ABLIM2: variants seen among roughly 807,000 people sequenced by gnomAD.
ABLIM2 encodes actin-binding LIM protein 2.
A neutral mutation model predicts 97.7 loss-of-function variants in ABLIM2; 53 were observed. That is an observed-to-expected ratio of 0.54 (90% CI 0.44 to 0.68). The LOEUF is 0.68. Ranked by LOEUF, ABLIM2 falls within the 30% of genes least tolerant of loss-of-function variation. The probability of loss-of-function intolerance (pLI) is 0.00; values close to 1 mark genes in which losing one functional copy is unlikely to be tolerated. For missense variants in ABLIM2, 835 were observed against 867.2 expected (o/e 0.96, Z 0.47); for synonymous variants, 361 against 345.8 (o/e 1.04, Z -0.49).
At chr4:8,024,220 C>G (rs914820386) in intron 12 of ABLIM2, among the ~76,000 whole-genome samples, 1 of 152,162 alleles carries the variant, frequency 6.6e-6, no homozygotes, top group Non-Finnish European at 1.5e-5. Flanking sequence ...TGGAGGCTGC[C>G]TGGCCAGAGG....
chr4:8,111,552 C>T (rs1568195), intron 1 of ABLIM2, among the ~76,000 whole-genome samples: 7 of 152,132 alleles, frequency 4.6e-5, no homozygotes, highest in East Asian at 3.8e-4. Flanking sequence ...ATAGGGAAGA[C>T]GGGATGGGAG....
At chr4:7,985,288 G>A (rs374035328) in intron 17 of ABLIM2, among the ~76,000 whole-genome samples, 2 of 152,290 alleles carry the variant, frequency 1.3e-5, no homozygotes, top group East Asian at 3.9e-4. Context: ...TAGGCACAGC[G>A]CTCTGCGGTT....
At position 7,996,441 on chromosome 4, in the gene ABLIM2, A is replaced by G. The variant is rs1056469691; in HGVS notation, c.1619-3514T>C. Among the ~76,000 whole-genome samples, 25 of 152,084 alleles carry G rather than the reference A, an allele frequency of 1.6e-4. No individual in the cohort carries two copies. Among genetic ancestry groups the G allele is most frequent in the African/African-American group, 5.3e-4 (22 of 41,416 alleles). ...CTGCCGCCGACCGGTCTCAACTTTT[A>G]ACCACTTCACATGCAGGTGGAAACC... On this transcript the variant is annotated intron_variant, in intron 16 of 20. Coordinates refer to ENST00000447017, the MANE Select transcript of ABLIM2 (RefSeq NM_001130083.2). The surrounding 1 kb of genome is among the most constrained non-coding windows in gnomAD (Gnocchi z 4.5).
rs919959013 is a variant in ABLIM2 at position 8,150,917 on chromosome 4, C to T, written c.10+7763G>A. On this transcript the variant is annotated intron_variant, in intron 1 of 20. Transcript: ENST00000447017. This position sits in a 1 kb window ranked among gnomAD's most constrained non-coding sequence, Gnocchi z 6.3. The stretch of plus-strand genomic sequence containing the variant: ...CCAAAGCGGCTCCCACGGGGCACGA[C>T]GTCAGGTTTGTCCCTGAGCTGTGAA... 2.6e-5 allele frequency among the ~76,000 whole-genome samples: 4 copies of T among 152,094 alleles called. No homozygotes were observed. The highest frequency in any genetic ancestry group is 5.9e-5 in the Non-Finnish European group (4 of 68,024).
Position 7,970,235 on chromosome 4 carries a change from G to A in ABLIM2, c.1825-3132C>T, listed in dbSNP as rs535404775. 4.6e-5 allele frequency among the ~76,000 whole-genome samples: 7 copies of A among 152,258 alleles called. No individual in the cohort carries two copies. Among genetic ancestry groups the A allele is most frequent in the East Asian group, 3.9e-4 (2 of 5,154 alleles). ...ATGTAAAGGAGGGGAGGCTGACACC[G>A]GAAGGGCGAGGAGAGTTCAGTGCTG... On this transcript the variant is annotated intron_variant, in intron 20 of 20. Coordinates refer to ENST00000447017, the MANE Select transcript of ABLIM2 (RefSeq NM_001130083.2). This position sits in a 1 kb window ranked among gnomAD's most constrained non-coding sequence, Gnocchi z 5.3.
chr4:8,089,248 C>G (rs1235028510), intron 3 of ABLIM2, among the ~76,000 whole-genome samples: 1 of 152,180 alleles, frequency 6.6e-6, no homozygotes, highest in Non-Finnish European at 1.5e-5. Flanking sequence ...ATCTAGCAAG[C>G]TAAGGCCAGG....
In ABLIM2 at chr4:8,120,258, A is replaced by T. The variant is rs1844765834; in HGVS notation, c.11-13621T>A. Among the ~76,000 whole-genome samples, 1 of 152,124 alleles carries T rather than the reference A, an allele frequency of 6.6e-6. No homozygotes were observed. The highest frequency in any genetic ancestry group is 2.4e-5 in the African/African-American group (1 of 41,442). ...CTGTGGGCTGAACCGGGACCCCCAG[A>T]TGCCCACGTTGAAGTCCTAACCCCC... On this transcript the variant is annotated intron_variant, in intron 1 of 20. Transcript: ENST00000447017. The surrounding 1 kb of genome is among the most constrained non-coding windows in gnomAD (Gnocchi z 5.6).
intron 3 of ABLIM2, among the ~76,000 whole-genome samples, chr4:8,096,068 C>T (rs551803416): frequency 3.3e-5 from 5 of 152,278 alleles, no homozygotes; most frequent in African/African-American, 9.6e-5. Flanking sequence ...TGCCTCAGGA[C>T]GATGCCACGC....
At chr4:8,091,410 AT>A (rs1230277702) in intron 3 of ABLIM2, among the ~76,000 whole-genome samples, 2 of 45,398 alleles carry the variant, frequency 4.4e-5, no homozygotes, top group African/African-American at 7.5e-5. Context: ...GTAATATATA[AT>A]TATATATTAT....
intron 17 of ABLIM2, among the ~76,000 whole-genome samples, chr4:7,988,929 T>A (rs1038581726): frequency 3.3e-5 from 5 of 152,192 alleles, no homozygotes; most frequent in African/African-American, 1.2e-4. Flanking sequence ...GTCACATGCA[T>A]AAACATTTTA....
rs1300131537 is a variant in ABLIM2, at chr4:8,095,788, T to G, written c.338+1311A>C. Among the ~76,000 whole-genome samples the G allele has an allele frequency of 6.6e-6, 1 of 152,156 alleles. No homozygotes were observed. Among genetic ancestry groups the G allele is most frequent in the Non-Finnish European group, 1.5e-5 (1 of 68,036 alleles). On this transcript the variant is annotated intron_variant, in intron 3 of 20. Coordinates refer to ENST00000447017, the MANE Select transcript of ABLIM2 (RefSeq NM_001130083.2). This position sits in a 1 kb window ranked among gnomAD's most constrained non-coding sequence, Gnocchi z 4.7. ...CTGGATGAGACGCGACCTTTTGGTG[T>G]CCACACTGCATGCCCTGGGGTTCGA...
chr4:8,074,484 T>G, intron 6 of ABLIM2, among the ~76,000 whole-genome samples: 1 of 152,106 alleles, frequency 6.6e-6, no homozygotes, highest in East Asian at 1.9e-4. Flanking sequence ...CAAGATCCCA[T>G]GTTTCCACCT....
In ABLIM2 at chr4:8,145,742, TCATA is replaced by T. The variant is rs780908073; in HGVS notation, c.10+12934_10+12937del. ...ACTAAATTATCCCCAGACTACACACTCATACACACACACACACACACACACACAC... is the reference window on the plus strand; with the variant it reads ...ACTAAATTATCCCCAGACTACACACTCACACACACACACACACACACACAC... On this transcript the variant is annotated intron_variant, in intron 1 of 20. Transcript: ENST00000447017. Among the ~76,000 whole-genome samples, 493 of 90,896 alleles carry T rather than the reference TCATA, an allele frequency of 5.4e-3. 2 individuals are homozygous for T. Among genetic ancestry groups the T allele is most frequent in the Non-Finnish European group, 8.4e-3 (392 of 46,800 alleles). The allele number at this position is 90,896 out of a possible 152,430, so 59.6% of individuals were successfully genotyped here.
intron 12 of ABLIM2, among the ~76,000 whole-genome samples, chr4:8,024,055 T>C (rs570629669): frequency 6.6e-6 from 1 of 152,296 alleles, no homozygotes; most frequent in South Asian, 2.1e-4. Flanking sequence ...TGAGGACCTT[T>C]TGCAGCTGAA....
In ABLIM2 at chr4:8,072,064, G is replaced by C; in HGVS notation, c.675+5564C>G. ...TGCTCAGAGCTGTGCAGAGCCCGCC[G>C]ACTCAGCCACGCCGCCACAGACTCG... On this transcript the variant is annotated intron_variant, in intron 6 of 20. Transcript: ENST00000447017. The surrounding 1 kb of genome is among the most constrained non-coding windows in gnomAD (Gnocchi z 5.8). The C allele has an allele frequency of 2.0e-6, 2 of 985,416 alleles. No individual in the cohort carries two copies. Among genetic ancestry groups the C allele is most frequent in the Non-Finnish European group, 2.4e-6 (2 of 829,960 alleles). 61.0% of individuals were successfully genotyped at this position (985,416 alleles called of 1,614,324 possible).
At chr4:8,010,366 TC>T (rs1764132491) in intron 14 of ABLIM2, 1 of 985,550 alleles carries the variant, frequency 1.0e-6, no homozygotes, top group South Asian at 4.7e-5. Context: ...AAAACCCGTC[TC>T]CGTCCCCAGC....
At chr4:8,037,103 A>G (rs4696735) in intron 9 of ABLIM2, among the ~76,000 whole-genome samples, 119,260 of 152,190 alleles carry the variant, frequency 0.78, 47,555 homozygotes, top group African/African-American at 0.94. Context: ...TATTTAACTT[A>G]CATAAATAAA....
At chr4:8,052,354 G>C (rs1406869934) in intron 8 of ABLIM2, among the ~76,000 whole-genome samples, 1 of 152,202 alleles carries the variant, frequency 6.6e-6, no homozygotes, top group Non-Finnish European at 1.5e-5. Context: ...TGAGGGAAGG[G>C]CTGCTGCCTT....
intron 11 of ABLIM2, among the ~76,000 whole-genome samples, 173 bp from the exon 12 acceptor site, chr4:8,028,030 G>A (rs552072997): frequency 6.6e-6 from 1 of 152,222 alleles, no homozygotes; most frequent in African/African-American, 2.4e-5. Context: ...TCTCCTCCAG[G>A]AGCGAGGAAA....
Sources: allele counts gnomAD v4.1 joint callset (sites outside exome capture counted in the v4.1 genomes callset), GRCh38; gene constraint gnomAD v4.1.1; non-coding constraint Gnocchi (gnomAD v3.1); transcripts MANE v1.5; gene names NCBI Gene and HGNC (gene_info 2026-07-23, HGNC 2026-07-21).